Variants in SEMA3A observed in about 807,000 individuals in gnomAD.
The protein encoded by SEMA3A is semaphorin-3A.
SEMA3A carries 29 observed loss-of-function variants against 97.9 expected under a neutral mutation model. That is an observed-to-expected ratio of 0.30 (90% CI 0.22 to 0.40). The LOEUF (loss-of-function observed/expected upper bound fraction) is 0.40, where lower values mean the gene tolerates loss of function less well. Ranked by LOEUF, SEMA3A falls within the 10% of genes least tolerant of loss-of-function variation. The pLI is 1.00. For missense variants in SEMA3A, 763 were observed against 951.3 expected, an observed-to-expected ratio of 0.80 and a Z score of 2.60; for synonymous variants, 321 against 323.7, an observed-to-expected ratio of 0.99 and a Z score of 0.09.
At chr7:84,064,912 A>C (rs1459155481) in intron 4 of SEMA3A, among the ~76,000 whole-genome samples, 1 of 152,248 alleles carries the variant, frequency 6.6e-6, no homozygotes, top group African/African-American at 2.4e-5. Context: ...GCTCTGCGCC[A>C]AGCGGACCTA....
At chr7:84,193,440 T>G (rs1324205596) in intron 1 of SEMA3A, among the ~76,000 whole-genome samples, 1 of 152,078 alleles carries the variant, frequency 6.6e-6, no homozygotes, top group Non-Finnish European at 1.5e-5. Context: ...TAATTAGAGC[T>G]TCTCACTGCT....
intron 1 of SEMA3A, among the ~76,000 whole-genome samples, chr7:84,488,781 A>T (rs952061285): frequency 2.6e-5 from 4 of 152,192 alleles, no homozygotes; most frequent in African/African-American, 9.6e-5. Flanking sequence ...AAGTGAGATC[A>T]TATTCCTTGA....
chr7:84,325,225 G>C (rs1007578492), intron 2 of SEMA3A, among the ~76,000 whole-genome samples: 1 of 151,838 alleles, frequency 6.6e-6, no homozygotes, highest in South Asian at 2.1e-4. Context: ...CTGAAGTTAA[G>C]GCAATGGATA....
intron 1 of SEMA3A, among the ~76,000 whole-genome samples, chr7:84,143,950 A>AACACACACACACACACACAC (rs796470836): frequency 1.1e-5 from 1 of 94,652 alleles, no homozygotes; most frequent in African/African-American, 3.5e-5. Context: ...CTCTCTCTCT[A>AACACACACACACACACACAC]ACACACACAC....
intron 4 of SEMA3A, 32 bp from the exon 5 acceptor site, chr7:84,060,590 T>C: frequency 7.1e-7 from 1 of 1,399,692 alleles, no homozygotes; most frequent in Non-Finnish European, 9.7e-7. Context: ...AGAAAAGGGT[T>C]TCCTTTATAT....
At chr7:84,153,934 T>C (rs1796755698) in intron 1 of SEMA3A, among the ~76,000 whole-genome samples, 2 of 152,102 alleles carry the variant, frequency 1.3e-5, no homozygotes, top group East Asian at 1.9e-4. Flanking sequence ...GAATCCTTTA[T>C]GGAGACGTTC....
chr7:84,307,845 A>C (rs1186546032), intron 2 of SEMA3A, among the ~76,000 whole-genome samples: 1 of 152,200 alleles, frequency 6.6e-6, no homozygotes, highest in Non-Finnish European at 1.5e-5. Flanking sequence ...TCAAACATGA[A>C]ATTTAAAATG....
At chr7:83,964,706 T>C (rs76609834) in intron 15 of SEMA3A, among the ~76,000 whole-genome samples, 4 of 152,130 alleles carry the variant, frequency 2.6e-5, no homozygotes, top group Admixed American at 6.5e-5. Flanking sequence ...CTGTCTCTTA[T>C]TGAAAAGATC....
At chr7:84,053,643 T>C (rs1353487895) in intron 5 of SEMA3A, among the ~76,000 whole-genome samples, 1 of 149,772 alleles carries the variant, frequency 6.7e-6, no homozygotes, top group African/African-American at 2.4e-5. Context: ...TACAGCACAC[T>C]GATGGGTCTT....
intron 5 of SEMA3A, among the ~76,000 whole-genome samples, chr7:84,055,398 G>A (rs1430284141): frequency 8.5e-5 from 13 of 152,164 alleles, no homozygotes; most frequent in Non-Finnish European, 1.8e-4. Context: ...GTGGGATATA[G>A]TCTCCTGGTG....
chr7:84,253,847 A>G (rs2115625951), intron 3 of SEMA3A, among the ~76,000 whole-genome samples: 1 of 152,306 alleles, frequency 6.6e-6, no homozygotes, highest in Admixed American at 6.5e-5. Flanking sequence ...ACCATTACCA[A>G]CTTTCATTGT....
intron 14 of SEMA3A, among the ~76,000 whole-genome samples, chr7:83,979,279 A>G (rs1789297155): frequency 6.6e-6 from 1 of 152,002 alleles, no homozygotes; most frequent in Admixed American, 6.6e-5. Flanking sequence ...GATTACAGGC[A>G]TCCGCCACCA....
At chr7:84,280,822 T>C (rs911864352) in intron 3 of SEMA3A, among the ~76,000 whole-genome samples, 73 of 152,152 alleles carry the variant, frequency 4.8e-4, no homozygotes, top group African/African-American at 1.7e-3. Context: ...GAAATAATAA[T>C]ATAAAAATTG....
intron 4 of SEMA3A, among the ~76,000 whole-genome samples, chr7:84,062,424 GGCCGAATA>G (rs1793260383): frequency 6.6e-6 from 1 of 152,230 alleles, no homozygotes; most frequent in Non-Finnish European, 1.5e-5. Context: ...GAGCCAAGAT[GGCCGAATA>G]GGAACAGCTC....
At chr7:84,035,071 G>C (rs1382577843) in intron 6 of SEMA3A, among the ~76,000 whole-genome samples, 1 of 151,778 alleles carries the variant, frequency 6.6e-6, no homozygotes, top group Non-Finnish European at 1.5e-5. Context: ...ACAATGCTGA[G>C]TTTTCTATAA....
chr7:84,451,657 A>G (rs1469205151), intron 1 of SEMA3A, among the ~76,000 whole-genome samples: 1 of 152,182 alleles, frequency 6.6e-6, no homozygotes, highest in Non-Finnish European at 1.5e-5. Context: ...CTACTTTACA[A>G]ATTGACACGG....
At chr7:84,103,928 TTAAAG>T (rs1477702689) in intron 4 of SEMA3A, among the ~76,000 whole-genome samples, 4 of 152,068 alleles carry the variant, frequency 2.6e-5, no homozygotes, top group African/African-American at 9.7e-5. Context: ...AAATTTCCTC[TTAAAG>T]TAGATTATAT....
At chr7:84,102,317 T>A (rs868339706) in intron 4 of SEMA3A, among the ~76,000 whole-genome samples, 3 of 152,318 alleles carry the variant, frequency 2.0e-5, no homozygotes, top group Middle Eastern at 6.8e-3. Flanking sequence ...TTTTTACAAA[T>A]CATGGTAATG....
At chr7:84,223,687 A>G (rs1798930375) in intron 3 of SEMA3A, among the ~76,000 whole-genome samples, 1 of 151,802 alleles carries the variant, frequency 6.6e-6, no homozygotes, top group Non-Finnish European at 1.5e-5. Flanking sequence ...GTATTTGAAA[A>G]ACTAAGGCTT....
Sources: gnomAD v4.1 joint callset for allele counts (sites outside exome capture counted in the v4.1 genomes callset) on GRCh38, gnomAD v4.1.1 for gene constraint, MANE v1.5 for transcripts, NCBI Gene and HGNC (gene_info 2026-07-23, HGNC 2026-07-21) for gene names.